EXOC4: variants seen among roughly 807,000 people sequenced by gnomAD.
The protein encoded by EXOC4 is exocyst complex component 4.
In EXOC4, 71 loss-of-function variants were observed where a neutral mutation model predicts 107.2. The observed-to-expected ratio is 0.66, with a 90% confidence interval of 0.55 to 0.81. EXOC4 has a LOEUF of 0.81. Ranked by LOEUF, EXOC4 falls within the 30% of genes least tolerant of loss-of-function variation. EXOC4 has a pLI of 0.00. For missense variants in EXOC4, 1,108 were observed against 1,189.6 expected (o/e 0.93, Z 1.01); for synonymous variants, 456 against 441.2 (o/e 1.03, Z -0.42).
chr7:133,638,705 C>T (rs954147392), intron 10 of EXOC4, among the ~76,000 whole-genome samples: 9 of 152,066 alleles, frequency 5.9e-5, no homozygotes, highest in Admixed American at 1.3e-4. Flanking sequence ...TTAACTCTTC[C>T]AGTGACTGTT....
chr7:133,671,050 G>A (rs527286058), intron 10 of EXOC4, among the ~76,000 whole-genome samples: 3 of 152,142 alleles, frequency 2.0e-5, no homozygotes, highest in Non-Finnish European at 2.9e-5. Flanking sequence ...TGGGAGAGAC[G>A]CATTCCTGGT....
chr7:133,451,305 T>C (rs1031844500), intron 7 of EXOC4, among the ~76,000 whole-genome samples: 6 of 151,974 alleles, frequency 3.9e-5, no homozygotes, highest in Admixed American at 2.0e-4. Context: ...CAGACAAATA[T>C]CATTTTAATT....
At chr7:133,571,102 C>G (rs1270659763) in intron 9 of EXOC4, among the ~76,000 whole-genome samples, 1 of 152,066 alleles carries the variant, frequency 6.6e-6, no homozygotes, top group East Asian at 1.9e-4. Context: ...AACTTATAAA[C>G]AGATTTAAAG....
chr7:134,001,861 G>C (rs982622097), intron 15 of EXOC4, among the ~76,000 whole-genome samples: 9 of 152,224 alleles, frequency 5.9e-5, no homozygotes, highest in African/African-American at 2.2e-4. Flanking sequence ...CTGCTCACCA[G>C]TCCTCAGAAC....
At chr7:133,858,818 T>C (rs1798473467) in intron 11 of EXOC4, among the ~76,000 whole-genome samples, 1 of 152,142 alleles carries the variant, frequency 6.6e-6, no homozygotes, top group Non-Finnish European at 1.5e-5. Context: ...GTCAAATCAA[T>C]GTTACAGTCT....
intron 9 of EXOC4, among the ~76,000 whole-genome samples, chr7:133,494,835 A>C (rs1011106165): frequency 1.3e-5 from 2 of 152,160 alleles, no homozygotes; most frequent in African/African-American, 2.4e-5. Context: ...CAAGAGGAAT[A>C]ATTAGCTCTT....
At chr7:133,904,739 T>A (rs540492714) in intron 12 of EXOC4, among the ~76,000 whole-genome samples, 1 of 152,230 alleles carries the variant, frequency 6.6e-6, no homozygotes. Flanking sequence ...CTGGTTGTTA[T>A]ACAACAATGC....
At chr7:133,536,259 T>C (rs938173489) in intron 9 of EXOC4, among the ~76,000 whole-genome samples, 5 of 152,164 alleles carry the variant, frequency 3.3e-5, no homozygotes, top group Admixed American at 3.3e-4. Flanking sequence ...ATTACAATTC[T>C]CCTTTATTTG....
chr7:133,540,767 CA>C (rs1448437678), intron 9 of EXOC4, among the ~76,000 whole-genome samples: 1 of 152,130 alleles, frequency 6.6e-6, no homozygotes, highest in Admixed American at 6.5e-5. Flanking sequence ...GTTTTACTTG[CA>C]AAGCTAATAG....
chr7:134,022,594 C>T (rs992282154), intron 17 of EXOC4, among the ~76,000 whole-genome samples: 4 of 152,092 alleles, frequency 2.6e-5, no homozygotes, highest in African/African-American at 9.7e-5. Flanking sequence ...CTATTAAAAG[C>T]TGCAGCTCCT....
At chr7:133,278,453 G>A (rs759995998) in intron 2 of EXOC4, among the ~76,000 whole-genome samples, 1 of 152,130 alleles carries the variant, frequency 6.6e-6, no homozygotes, top group African/African-American at 2.4e-5. Context: ...TGCTGTTTTA[G>A]CTGGGTTGGC....
intron 3 of EXOC4, among the ~76,000 whole-genome samples, chr7:133,301,703 G>T (rs954941421): frequency 6.6e-6 from 1 of 151,766 alleles, no homozygotes; most frequent in African/African-American, 2.4e-5. Flanking sequence ...TCTTTTTTTG[G>T]CTTGAACCTT....
chr7:133,520,966 G>T (rs575806731), intron 9 of EXOC4, among the ~76,000 whole-genome samples: 1 of 152,148 alleles, frequency 6.6e-6, no homozygotes, highest in Non-Finnish European at 1.5e-5. Flanking sequence ...ATTACTGTTG[G>T]TGATGATGTA....
chr7:133,548,775 T>C (rs1348182075), intron 9 of EXOC4, among the ~76,000 whole-genome samples: 1 of 152,230 alleles, frequency 6.6e-6, no homozygotes, highest in Non-Finnish European at 1.5e-5. Context: ...GAGAATGTTT[T>C]GGTTGGTTTG....
chr7:134,007,970 T>G (rs1794681259), intron 17 of EXOC4, 135 bp downstream of exon 17: 2 of 787,498 alleles, frequency 2.5e-6, no homozygotes, highest in Admixed American at 6.5e-5. Context: ...ATAGATGTTT[T>G]TAGGTCCTAT....
intron 12 of EXOC4, among the ~76,000 whole-genome samples, chr7:133,898,320 C>G (rs1364149728): frequency 6.6e-6 from 1 of 152,048 alleles, no homozygotes; most frequent in Non-Finnish European, 1.5e-5. Flanking sequence ...AGCCACTATT[C>G]TAGGTTAATT....
chr7:133,503,336 C>T (rs556871820), intron 9 of EXOC4, among the ~76,000 whole-genome samples: 3 of 152,158 alleles, frequency 2.0e-5, no homozygotes, highest in African/African-American at 4.8e-5. Context: ...TGGAAGAGAC[C>T]ATACGTCATT....
At chr7:133,344,858 TAAG>T (rs1467558120) in intron 5 of EXOC4, among the ~76,000 whole-genome samples, 1 of 152,132 alleles carries the variant, frequency 6.6e-6, no homozygotes, top group Non-Finnish European at 1.5e-5. Context: ...TTGTTTGCAA[TAAG>T]GCCTTCTGGC....
chr7:133,838,552 A>G (rs1462605433), intron 11 of EXOC4, among the ~76,000 whole-genome samples: 2 of 152,136 alleles, frequency 1.3e-5, no homozygotes, highest in African/African-American at 2.4e-5. Flanking sequence ...CAGTGCTTCT[A>G]AAGTTTTAAT....
Sources: gnomAD v4.1 joint callset for allele counts (sites outside exome capture counted in the v4.1 genomes callset) on GRCh38, gnomAD v4.1.1 for gene constraint, MANE v1.5 for transcripts, NCBI Gene and HGNC (gene_info 2026-07-23, HGNC 2026-07-21) for gene names.